The following GRIK2 variants were observed in gnomAD, a reference collection of about 807,000 sequenced individuals.
GRIK2 encodes the protein glutamate ionotropic receptor kainate type subunit 2.
A neutral mutation model predicts 100.3 loss-of-function variants in GRIK2; 32 were observed. The ratio of observed to expected loss-of-function variants is 0.32; its 90% confidence interval spans 0.24 to 0.43. The LOEUF (loss-of-function observed/expected upper bound fraction) is 0.43. GRIK2 is among the 20% of genes least tolerant of loss of function. The pLI, the probability that GRIK2 is intolerant of heterozygous loss-of-function variation, is 1.00. For missense variants in GRIK2, 843 were observed against 1,114.9 expected, an observed-to-expected ratio of 0.76 and a Z score of 3.47; for synonymous variants, 417 against 389.4, an observed-to-expected ratio of 1.07 and a Z score of -0.83.
intron 4 of GRIK2, among the ~76,000 whole-genome samples, chr6:101,669,140 T>G (rs1770241466): frequency 6.6e-6 from 1 of 151,898 alleles, no homozygotes; most frequent in African/African-American, 2.4e-5. Flanking sequence ...CTGTGCAGAT[T>G]GTTTGTTTTT....
chr6:101,531,700 G>A (rs1775453201), intron 2 of GRIK2, among the ~76,000 whole-genome samples: 1 of 151,852 alleles, frequency 6.6e-6, no homozygotes, highest in Admixed American at 6.6e-5. Flanking sequence ...AATGCATCAT[G>A]CCTCTCCACA....
chr6:101,644,530 T>C (rs1481200464), intron 4 of GRIK2, among the ~76,000 whole-genome samples: 1 of 151,918 alleles, frequency 6.6e-6, no homozygotes, highest in Non-Finnish European at 1.5e-5. Flanking sequence ...AGCAGCCCTG[T>C]AGAAGAGGCT....
chr6:101,688,017 T>G (rs1174092439), intron 7 of GRIK2, among the ~76,000 whole-genome samples: 1 of 148,520 alleles, frequency 6.7e-6, no homozygotes, highest in Non-Finnish European at 1.5e-5. Context: ...TAATGTATGC[T>G]ATCCTTTAAA....
intron 14 of GRIK2, among the ~76,000 whole-genome samples, chr6:101,957,246 G>T (rs1164737692): frequency 8.4e-6 from 1 of 118,848 alleles, no homozygotes. Flanking sequence ...CTGATAATTT[G>T]TGCCGTTGAA....
intron 6 of GRIK2, 143 bp from the exon 7 acceptor site, chr6:101,686,037 C>T: frequency 1.8e-6 from 1 of 569,164 alleles, no homozygotes; most frequent in South Asian, 2.6e-5. Context: ...CTATTTGAAT[C>T]TTGGTGATTT....
chr6:101,465,359 G>C (rs1013062957), intron 2 of GRIK2, among the ~76,000 whole-genome samples: 1 of 152,158 alleles, frequency 6.6e-6, no homozygotes, highest in African/African-American at 2.4e-5. Context: ...TTACAAGTGA[G>C]AACGTGGTAT....
intron 10 of GRIK2, among the ~76,000 whole-genome samples, chr6:101,842,783 T>C (rs1009252612): frequency 2.0e-5 from 3 of 152,190 alleles, no homozygotes; most frequent in African/African-American, 7.2e-5. Flanking sequence ...TCAGTGACAT[T>C]GAAGGAGTTT....
chr6:101,895,789 TTAAA>T (rs1384257474), intron 12 of GRIK2, among the ~76,000 whole-genome samples: 2 of 151,816 alleles, frequency 1.3e-5, no homozygotes, highest in South Asian at 2.1e-4. Context: ...TATTTTTTAC[TTAAA>T]TAAATTGCAG....
At chr6:101,593,542 CCT>C (rs970057969) in intron 2 of GRIK2, among the ~76,000 whole-genome samples, 4 of 151,608 alleles carry the variant, frequency 2.6e-5, no homozygotes, top group African/African-American at 9.7e-5. Flanking sequence ...TGCTATTATT[CCT>C]CTCTCACAAT....
rs150973803 is a variant in GRIK2 at position 101,554,067 on chromosome 6, C to T, written c.116-67882C>T. ...ACATGCTTCTATATGTGACCTGGCA[C>T]CAGAATTTGAGCTGTGTATATCTAT... On this transcript the variant is annotated intron_variant, in intron 2 of 16. Transcript: ENST00000369134. Among the ~76,000 whole-genome samples the T allele has an allele frequency of 3.6e-3, 545 of 152,190 alleles. 2 individuals are homozygous for T. The highest frequency in any genetic ancestry group is 6.8e-3 in the Middle Eastern group (2 of 294).
chr6:101,926,195 G>GTTT (rs35007201), intron 13 of GRIK2, among the ~76,000 whole-genome samples: 24 of 127,560 alleles, frequency 1.9e-4, no homozygotes, highest in African/African-American at 6.6e-4. Context: ...GGGTCCAAGG[G>GTTT]TTTTTTTTTT....
chr6:101,741,640 GCAGCTGAATT>G (rs1776038208), intron 7 of GRIK2, among the ~76,000 whole-genome samples: 2 of 152,176 alleles, frequency 1.3e-5, no homozygotes, highest in Admixed American at 6.5e-5. Flanking sequence ...TGTCTCCATG[GCAGCTGAATT>G]CACAGGAAAT....
chr6:101,554,617 T>C (rs1489632502), intron 2 of GRIK2, among the ~76,000 whole-genome samples: 1 of 152,160 alleles, frequency 6.6e-6, no homozygotes, highest in Admixed American at 6.5e-5. Context: ...TATATCACTA[T>C]CATGGCAATC....
At chr6:101,511,762 A>G (rs566826488) in intron 2 of GRIK2, among the ~76,000 whole-genome samples, 16 of 150,604 alleles carry the variant, frequency 1.1e-4, no homozygotes, top group African/African-American at 3.6e-4. Context: ...AAGATAATTT[A>G]GATAATCATA....
In GRIK2 at chr6:101,393,808, C is replaced by T. The variant is rs1052076289; in HGVS notation, c.-323C>T. On this transcript the variant is annotated 5_prime_UTR_variant, in exon 1 of 17. Transcript: ENST00000369134. ...CTCCTCCCCGAGGACCACCCCACCC[C>T]CTCCCCGCCCACCTCACCCCTAGCT... Among the ~76,000 whole-genome samples, 6 of 152,066 alleles carry T rather than the reference C, an allele frequency of 3.9e-5. No individual in the cohort carries two copies. Among genetic ancestry groups the T allele is most frequent in the South Asian group, 4.1e-4 (2 of 4,832 alleles).
Position 102,069,965 on chromosome 6 carries a change from G to A in GRIK2, c.*1454G>A, listed in dbSNP as rs1345674270. ...GTAATGAACAATTGTGTGTAAAATG[G>A]TAAAAGACACAGACCTCTTGACAAC... On this transcript the variant is annotated 3_prime_UTR_variant, in exon 17 of 17. Transcript: ENST00000369134. 1 of 151,856 alleles carries A rather than the reference G, an allele frequency of 6.6e-6. No individual in the cohort carries two copies. Among genetic ancestry groups the A allele is most frequent in the East Asian group, 1.9e-4 (1 of 5,162 alleles). The allele number at this position is 151,856 out of a possible 1,614,324, so 9.4% of individuals were successfully genotyped here.
intron 9 of GRIK2, among the ~76,000 whole-genome samples, chr6:101,814,704 T>C (rs1781531618): frequency 6.6e-6 from 1 of 152,106 alleles, no homozygotes. Context: ...AAATCTGTTT[T>C]TAAAATGATA....
intron 2 of GRIK2, among the ~76,000 whole-genome samples, chr6:101,600,150 T>C (rs1375940093): frequency 6.6e-6 from 1 of 151,892 alleles, no homozygotes; most frequent in Non-Finnish European, 1.5e-5. Flanking sequence ...ACTTATTGAA[T>C]AGGGAGTCCT....
At chr6:102,034,960 G>A (rs1770187224) in intron 14 of GRIK2, among the ~76,000 whole-genome samples, 1 of 151,196 alleles carries the variant, frequency 6.6e-6, no homozygotes, top group South Asian at 2.1e-4. Context: ...TTCCACGTTT[G>A]TTGTAAAGAA....
Sources: allele counts gnomAD v4.1 joint callset (sites outside exome capture counted in the v4.1 genomes callset), GRCh38; gene constraint gnomAD v4.1.1; transcripts MANE v1.5; gene names NCBI Gene and HGNC (gene_info 2026-07-23, HGNC 2026-07-21).